Variants in CASP10 observed in about 807,000 individuals in gnomAD.
CASP10 encodes the protein caspase 10, also known as caspase-10.
CASP10 carries 41 observed loss-of-function variants against 48.5 expected under a neutral mutation model. The observed-to-expected ratio is 0.85, with a 90% CI of 0.66 to 1.10. The LOEUF is 1.10. Among genes scored for constraint, CASP10 ranks in the 50% least tolerant of loss-of-function variants. CASP10 has a pLI of 0.00. For synonymous variants in CASP10, 232 were observed against 238.4 expected, an observed-to-expected ratio of 0.97 and a Z score of 0.25; for missense variants, 614 against 614.5, an observed-to-expected ratio of 1.00 and a Z score of 0.01.
In CASP10 at chr2:201,221,454, C is replaced by G. The variant is rs1274225776; in HGVS notation, c.*3713C>G. 4 of 241,394 alleles carry G rather than the reference C, an allele frequency of 1.7e-5. No homozygotes were observed. The highest frequency in any genetic ancestry group is 2.3e-5 in the African/African-American group (1 of 43,052). 15.0% of individuals were successfully genotyped at this position (241,394 alleles called of 1,614,324 possible). On this transcript the variant is annotated 3_prime_UTR_variant, in exon 10 of 10. Transcript: ENST00000286186. ...ATGACATTACCTTGTGAAATTCCTTCTCCTGGCTCATCCTGGCTCAAAAGC... is the reference window on the plus strand; with the variant it reads ...ATGACATTACCTTGTGAAATTCCTTGTCCTGGCTCATCCTGGCTCAAAAGC...
chr2:201,195,240 C>T (rs939660521), intron 4 of CASP10, among the ~76,000 whole-genome samples: 1 of 151,682 alleles, frequency 6.6e-6, no homozygotes, highest in African/African-American at 2.4e-5. Flanking sequence ...TACAGATGCC[C>T]GCCACCATGC....
chr2:201,206,933 T>C (rs1462806267), intron 7 of CASP10, among the ~76,000 whole-genome samples: 14 of 152,200 alleles, frequency 9.2e-5, no homozygotes, highest in Admixed American at 9.2e-4. Flanking sequence ...AACCCTGGGT[T>C]TGACAATATT....
At chr2:201,195,731 G>A in intron 4 of CASP10, 111 bp from the exon 5 acceptor site, 1 of 787,074 alleles carries the variant, frequency 1.3e-6, no homozygotes, top group Non-Finnish European at 2.3e-6. Flanking sequence ...AGGCTGCAGT[G>A]CAGTGGGGCA....
Position 201,218,841 on chromosome 2 carries a change from A to G in CASP10, c.*1100A>G. 1.0e-6 allele frequency: 1 copy of G among 985,302 alleles called. No homozygotes were observed. Among genetic ancestry groups the G allele is most frequent in the Non-Finnish European group, 1.2e-6 (1 of 829,892 alleles). 61.0% of individuals were successfully genotyped at this position (985,302 alleles called of 1,614,324 possible). A position where few individuals can be genotyped will look rare whatever the true frequency, so the allele number is the denominator to read the frequency against. On this transcript the variant is annotated 3_prime_UTR_variant, in exon 10 of 10. Transcript: ENST00000286186. ...TGAAAATTTGGTCTATGCCAGGCCC[A>G]TTTCCTGCTTTTGTGTAAGGAAGGT...
chr2:201,223,060 A>C (rs933166866), downstream of CASP10, among the ~76,000 whole-genome samples: 1 of 152,120 alleles, frequency 6.6e-6, no homozygotes, highest in Non-Finnish European at 1.5e-5. Flanking sequence ...CTTTTTGGTG[A>C]TAATCTTTAA....
Position 201,219,046 on chromosome 2 carries a change from G to T in CASP10, c.*1305G>T. 1.1e-6 allele frequency: 1 copy of T among 932,988 alleles called. No individual in the cohort carries two copies. Among genetic ancestry groups the T allele is most frequent in the Non-Finnish European group, 1.3e-6 (1 of 782,124 alleles). The allele number at this position is 932,988 out of a possible 1,614,324, so 57.8% of individuals were successfully genotyped here. On this transcript the variant is annotated 3_prime_UTR_variant, in exon 10 of 10. Coordinates refer to ENST00000286186, the MANE Select transcript of CASP10 (RefSeq NM_032977.4). ...GTACTCTGGGAAGCCAAGGCAGGCA[G>T]ATCACTTGAGGTCAGGAGTTCGAGA...
Position 201,217,718 on chromosome 2 carries a change from C to T in CASP10, c.1546C>T (p.Pro516Ser). 4 of 1,613,988 alleles carry T rather than the reference C, an allele frequency of 2.5e-6. No individual in the cohort carries two copies. Among genetic ancestry groups the T allele is most frequent in the Non-Finnish European group, 3.4e-6 (4 of 1,179,894 alleles). ...TLRKKLVFPV[P>S]LDALSL is the part of the protein sequence containing the mutation. ...AAGGAAAAAACTAGTATTCCCTGTG[C>T]CCCTGGATGCACTTTCATTATAGCA... Residue 516 changes from proline to serine, a missense_variant, in exon 10 of 10, where the codon CCC (proline) becomes TCC (serine). Transcript: ENST00000286186.
rs1488997894 is a variant in CASP10 at position 201,184,084 on chromosome 2, C to T, written c.-8+776C>T. On this transcript the variant is annotated intron_variant, in intron 1 of 9. Coordinates refer to ENST00000286186, the MANE Select transcript of CASP10 (RefSeq NM_032977.4). The stretch of plus-strand genomic sequence containing the variant: ...CTAATTTTTGTATTTTTTGTAGAGA[C>T]GGGGTTTCACCGTGTTGCCCAGGCT... 2.6e-5 allele frequency among the ~76,000 whole-genome samples: 4 copies of T among 151,686 alleles called. No homozygotes were observed. The South Asian group carries it at 8.3e-4, about 32-fold the overall frequency.
chr2:201,224,820 C>G (rs1476863689), downstream of CASP10, among the ~76,000 whole-genome samples: 2 of 152,048 alleles, frequency 1.3e-5, no homozygotes, highest in African/African-American at 4.8e-5. Context: ...TAACTTTTTT[C>G]TGATTACATA....
chr2:201,220,878 G>A lies in CASP10; in HGVS notation c.*3137G>A. 1.0e-6 allele frequency: 1 copy of A among 985,456 alleles called. No individual in the cohort carries two copies. The highest frequency in any genetic ancestry group is 1.2e-6 in the Non-Finnish European group (1 of 829,940). The allele number at this position is 985,456 out of a possible 1,614,324, so 61.0% of individuals were successfully genotyped here. On this transcript the variant is annotated 3_prime_UTR_variant, in exon 10 of 10. Transcript: ENST00000286186. Reference sequence around the variant, plus strand: ...GGTGAGATACTGAGGAAAGAGCAAAGGATCTGGAGATCAAAGCCCTGCATT... The same window carrying A: ...GGTGAGATACTGAGGAAAGAGCAAAAGATCTGGAGATCAAAGCCCTGCATT...
chr2:201,223,017 A>C (rs974675950), downstream of CASP10, among the ~76,000 whole-genome samples: 2 of 152,056 alleles, frequency 1.3e-5, no homozygotes, highest in African/African-American at 4.8e-5. Context: ...AGAGACTCTG[A>C]GCTCTCCACC....
chr2:201,196,340 G>A (rs1342468457), intron 5 of CASP10, among the ~76,000 whole-genome samples: 1 of 152,204 alleles, frequency 6.6e-6, no homozygotes, highest in Non-Finnish European at 1.5e-5. Flanking sequence ...TTCAAGTACA[G>A]AGCTTTTGTT....
intron 1 of CASP10, among the ~76,000 whole-genome samples, chr2:201,183,856 C>CTTTA (rs71022352): frequency 0.011 from 1,655 of 149,428 alleles, 18 homozygotes; most frequent in South Asian, 0.067. Flanking sequence ...GTCTTCCTTC[C>CTTTA]TTTATTTATT....
intron 5 of CASP10, chr2:201,200,431 CT>C: frequency 8.1e-6 from 13 of 1,598,126 alleles, no homozygotes; most frequent in Non-Finnish European, 1.0e-5. Flanking sequence ...AAGGACCCTC[CT>C]TTCTCCCCAG....
downstream of CASP10, among the ~76,000 whole-genome samples, chr2:201,225,034 C>T (rs1385047866): frequency 1.3e-5 from 2 of 152,200 alleles, no homozygotes; most frequent in African/African-American, 4.8e-5. Flanking sequence ...TTACTACCAT[C>T]TGTACTTTCA....
intron 9 of CASP10, among the ~76,000 whole-genome samples, chr2:201,211,464 AT>A (rs1198767849): frequency 6.6e-6 from 1 of 152,202 alleles, no homozygotes; most frequent in Non-Finnish European, 1.5e-5. Flanking sequence ...TTAAACAAAG[AT>A]TCCACATGAG....
chr2:201,205,710 A>C (rs1000048412), intron 6 of CASP10, among the ~76,000 whole-genome samples, 172 bp from the exon 7 acceptor site: 2 of 152,350 alleles, frequency 1.3e-5, no homozygotes, highest in African/African-American at 4.8e-5. Context: ...CAAAGCAAAA[A>C]AGAATGCGAA....
At chr2:201,226,097 A>C (rs1945784777), downstream of CASP10, among the ~76,000 whole-genome samples, 2 of 152,240 alleles carry the variant, frequency 1.3e-5, no homozygotes, top group Non-Finnish European at 2.9e-5. Flanking sequence ...TCCATAAAAT[A>C]TTAAACAATC....
Position 201,195,927 on chromosome 2 carries a change from G to A in CASP10, c.663G>A (p.Lys221=). 3 of 1,613,580 alleles carry A rather than the reference G, an allele frequency of 1.9e-6. No individual in the cohort carries two copies. The highest frequency in any genetic ancestry group is 2.5e-6 in the Non-Finnish European group (3 of 1,179,584). ...AACTAGTTTCCCAAACAGATGTTAA[G>A]ACATTCTTGGAAGCCTTACCGGTAG... ...EEELVSQTDV[K]TFLEALPQES... The change falls in exon 5 of 10, where the codon AAG becomes AAA. Residue 221 remains lysine, a synonymous_variant. Transcript: ENST00000286186.
Sources: gnomAD v4.1 joint callset for allele counts (sites outside exome capture counted in the v4.1 genomes callset) on GRCh38, gnomAD v4.1.1 for gene constraint, MANE v1.5 for transcripts, NCBI Gene and HGNC (gene_info 2026-07-23, HGNC 2026-07-21) for gene names.